The following PEX14 variants were observed in gnomAD, a reference collection of about 807,000 sequenced individuals.
PEX14 encodes peroxisomal biogenesis factor 14.
A neutral mutation model predicts 49.5 loss-of-function variants in PEX14; 15 were observed. The observed-to-expected ratio is 0.30, with a 90% CI of 0.20 to 0.47. The LOEUF (loss-of-function observed/expected upper bound fraction) is 0.47. Among genes scored for constraint, PEX14 ranks in the 20% least tolerant of loss-of-function variants. The pLI is 1.00. For missense variants in PEX14, 398 were observed against 494.8 expected (o/e 0.80, Z 1.86); for synonymous variants, 210 against 212.7 (o/e 0.99, Z 0.11).
intron 2 of PEX14, among the ~76,000 whole-genome samples, chr1:10,503,889 A>G (rs987930455): frequency 6.6e-6 from 1 of 151,940 alleles, no homozygotes; most frequent in Non-Finnish European, 1.5e-5. Context: ...GCCCACCACC[A>G]TGCCTGGCTA....
At chr1:10,609,666 C>T (rs1483621721) in intron 4 of PEX14, among the ~76,000 whole-genome samples, 2 of 152,140 alleles carry the variant, frequency 1.3e-5, no homozygotes, top group East Asian at 1.9e-4. Flanking sequence ...GGGCGGATCA[C>T]CTGAGGTCAG....
At chr1:10,578,551 T>C (rs922148647) in intron 3 of PEX14, among the ~76,000 whole-genome samples, 9 of 151,970 alleles carry the variant, frequency 5.9e-5, no homozygotes, top group African/African-American at 2.2e-4. Flanking sequence ...AAAAAACTAC[T>C]AGATGTGAGA....
intron 3 of PEX14, among the ~76,000 whole-genome samples, chr1:10,567,506 T>C (rs1425757013): frequency 6.6e-6 from 1 of 151,760 alleles, no homozygotes; most frequent in Non-Finnish European, 1.5e-5. Context: ...AAAATAAAGA[T>C]TTTTTTTTAG....
intron 3 of PEX14, among the ~76,000 whole-genome samples, chr1:10,551,745 C>G (rs1639339953): frequency 6.6e-6 from 1 of 152,104 alleles, no homozygotes; most frequent in South Asian, 2.1e-4. Context: ...GCTCTACTTC[C>G]CTTCCAACCA....
chr1:10,556,283 C>T (rs904134851), intron 3 of PEX14, among the ~76,000 whole-genome samples: 4 of 152,282 alleles, frequency 2.6e-5, no homozygotes, highest in Admixed American at 2.6e-4. Flanking sequence ...TGCTCCATGT[C>T]TCCCTATATC....
chr1:10,491,292 T>C (rs1021092235), intron 1 of PEX14, among the ~76,000 whole-genome samples: 2 of 152,172 alleles, frequency 1.3e-5, no homozygotes, highest in Non-Finnish European at 2.9e-5. Context: ...CCCAGCTTCA[T>C]ACTGGGACTG....
At chr1:10,625,470 A>C (rs1641717101) in intron 7 of PEX14, among the ~76,000 whole-genome samples, 2 of 152,224 alleles carry the variant, frequency 1.3e-5, no homozygotes, top group African/African-American at 4.8e-5. Context: ...ATTTGCAAAA[A>C]CCATGAAAAT....
chr1:10,548,503 A>G (rs1005202699), intron 3 of PEX14, among the ~76,000 whole-genome samples: 1 of 152,240 alleles, frequency 6.6e-6, no homozygotes, highest in African/African-American at 2.4e-5. Context: ...GATAGTATTC[A>G]TTAATTTACC....
chr1:10,594,469 C>T (rs1640774541), intron 3 of PEX14, among the ~76,000 whole-genome samples: 3 of 152,254 alleles, frequency 2.0e-5, no homozygotes. Flanking sequence ...CCCCCTGGCC[C>T]TGTTCCCGTG....
At chr1:10,577,562 A>ATATATATATT (rs1640180809) in intron 3 of PEX14, among the ~76,000 whole-genome samples, 1 of 6,234 alleles carries the variant, frequency 1.6e-4, no homozygotes, top group Non-Finnish European at 3.1e-4. Context: ...ATATATATAT[A>ATATATATATT]TTTTTTTTTT....
chr1:10,510,403 G>A, intron 2 of PEX14, among the ~76,000 whole-genome samples: 1 of 152,176 alleles, frequency 6.6e-6, no homozygotes, highest in Admixed American at 6.5e-5. Flanking sequence ...CCAAGTAAAG[G>A]CAAGTCTTTG....
At chr1:10,501,400 G>A (rs908765640) in intron 2 of PEX14, among the ~76,000 whole-genome samples, 1 of 152,120 alleles carries the variant, frequency 6.6e-6, no homozygotes, top group Middle Eastern at 3.2e-3. Context: ...TGCCCCCCAG[G>A]GTTCATGCCA....
Position 10,562,111 on chromosome 1 carries a change from T to G in PEX14, c.169+25814T>G, listed in dbSNP as rs914358991. ...TGTGTTGCCCAGGCTGGTCTTGAAC[T>G]CCTGGTCTTTAGCAATCCCTTCATC... On this transcript the variant is annotated intron_variant, in intron 3 of 8. Transcript: ENST00000356607. Among the ~76,000 whole-genome samples, 20 of 152,296 alleles carry G rather than the reference T, an allele frequency of 1.3e-4. No homozygotes were observed. In the East Asian group the frequency reaches 1.9e-3, roughly 15 times the overall value.
chr1:10,518,822 T>G (rs1437062472), intron 2 of PEX14, among the ~76,000 whole-genome samples: 1 of 152,152 alleles, frequency 6.6e-6, no homozygotes, highest in East Asian at 1.9e-4. Flanking sequence ...GAGATGCTTC[T>G]CCTTCCCTTC....
chr1:10,586,234 G>A (rs72857047), intron 3 of PEX14, among the ~76,000 whole-genome samples: 8,744 of 152,182 alleles, frequency 0.057, 339 homozygotes, highest in South Asian at 0.1. Context: ...AGTCTCGGTC[G>A]TTGTCAGAGA....
chr1:10,583,421 T>C (rs1366382420), intron 3 of PEX14, among the ~76,000 whole-genome samples: 1 of 147,570 alleles, frequency 6.8e-6, no homozygotes, highest in African/African-American at 2.5e-5. Flanking sequence ...GAGGTTGCAC[T>C]ATGTTGTCCA....
At chr1:10,497,895 A>G (rs1641597189) in intron 2 of PEX14, among the ~76,000 whole-genome samples, 1 of 152,212 alleles carries the variant, frequency 6.6e-6, no homozygotes, top group Non-Finnish European at 1.5e-5. Flanking sequence ...CCTTAATGGA[A>G]GTTGCCTGGT....
At chr1:10,541,155 A>G (rs989494573) in intron 3 of PEX14, among the ~76,000 whole-genome samples, 1 of 152,226 alleles carries the variant, frequency 6.6e-6, no homozygotes, top group Non-Finnish European at 1.5e-5. Flanking sequence ...GAAGAGAAAT[A>G]AGAGAGGACA....
At position 10,481,295 on chromosome 1, in the gene PEX14, GC is replaced by G. The variant is rs568642003; in HGVS notation, c.36+6295del. Among the ~76,000 whole-genome samples, 282 of 152,050 alleles carry G rather than the reference GC, an allele frequency of 1.9e-3. 1 individual carries two copies. The highest frequency in any genetic ancestry group is 6.5e-3 in the African/African-American group (271 of 41,470). ...TGGAATTACAGGTGCCCGCCACCATGCCTGGCTAATTTTTTTGTATTTTTAA... is the reference window on the plus strand; with the variant it reads ...TGGAATTACAGGTGCCCGCCACCATGCTGGCTAATTTTTTTGTATTTTTAA... On this transcript the variant is annotated intron_variant, in intron 1 of 8. Transcript: ENST00000356607.
Sources: allele counts gnomAD v4.1 joint callset (sites outside exome capture counted in the v4.1 genomes callset), GRCh38; gene constraint gnomAD v4.1.1; transcripts MANE v1.5; gene names NCBI Gene and HGNC (gene_info 2026-07-23, HGNC 2026-07-21).